EPS8: variants seen among roughly 807,000 people sequenced by gnomAD.
EPS8 encodes the protein epidermal growth factor receptor kinase substrate 8.
In EPS8, 42 loss-of-function variants were observed where a neutral mutation model predicts 103.8. The observed-to-expected ratio is 0.40, with a 90% CI of 0.32 to 0.52. EPS8 has a LOEUF of 0.52. EPS8 is among the 20% of genes least tolerant of loss of function. EPS8 has a pLI of 0.40. For synonymous variants in EPS8, 344 were observed against 344.6 expected (o/e 1.00, Z 0.02); for missense variants, 969 against 1,005.1 (o/e 0.96, Z 0.49).
rs1224331228 is a variant in EPS8 at position 15,765,011 on chromosome 12, T to C, written c.-22+24150A>G. 2.6e-5 allele frequency among the ~76,000 whole-genome samples: 4 copies of C among 152,230 alleles called. No homozygotes were observed. In the East Asian group the frequency reaches 7.7e-4, roughly 29 times the overall value. On this transcript the variant is annotated intron_variant, in intron 1 of 20. Transcript: ENST00000281172. ...CTATAAACTGAGATTAATCCTTGTT[T>C]AATGATATCTATCAGGTTATAATTG...
At chr12:15,649,380 AAT>A (rs1380035294) in intron 14 of EPS8, among the ~76,000 whole-genome samples, 1 of 152,238 alleles carries the variant, frequency 6.6e-6, no homozygotes, top group Non-Finnish European at 1.5e-5. Flanking sequence ...ATGATGTAAA[AAT>A]AGTCAGCTGT....
intron 1 of EPS8, among the ~76,000 whole-genome samples, chr12:15,692,020 A>G (rs998261229): frequency 1.3e-5 from 2 of 152,066 alleles, no homozygotes; most frequent in African/African-American, 4.8e-5. Context: ...TCCACTCTGA[A>G]CTGATTACTC....
intron 1 of EPS8, among the ~76,000 whole-genome samples, chr12:15,703,377 C>T (rs1946337638): frequency 6.6e-6 from 1 of 152,046 alleles, no homozygotes; most frequent in Non-Finnish European, 1.5e-5. Context: ...AAAGTGTCTA[C>T]CTATGGAAGC....
In EPS8 at chr12:15,771,490, G is replaced by A. The variant is rs1390998896; in HGVS notation, c.-22+17671C>T. Among the ~76,000 whole-genome samples the A allele has an allele frequency of 6.6e-6, 1 of 152,122 alleles. No homozygotes were observed. The highest frequency in any genetic ancestry group is 1.5e-5 in the Non-Finnish European group (1 of 68,026). ...GGCAGATACAGAGACATTCAGGAGG[G>A]AATAGCTTAAGAAAATGGTCATATA... On this transcript the variant is annotated intron_variant, in intron 1 of 20. Coordinates refer to ENST00000281172, the MANE Select transcript of EPS8 (RefSeq NM_004447.6). This position sits in a 1 kb window ranked among gnomAD's most constrained non-coding sequence, Gnocchi z 4.6.
chr12:15,651,429 T>C (rs1490910299), intron 13 of EPS8, among the ~76,000 whole-genome samples: 1 of 152,232 alleles, frequency 6.6e-6, no homozygotes, highest in Non-Finnish European at 1.5e-5. Flanking sequence ...CCCATCATTA[T>C]TGAAACCTCC....
rs533341083 is a variant in EPS8, at chr12:15,706,442, C to A, written c.-21-23470G>T. 9.9e-6 allele frequency among the ~76,000 whole-genome samples: 1 copy of A among 100,512 alleles called. No individual in the cohort carries two copies. Among genetic ancestry groups the A allele is most frequent in the Non-Finnish European group, 2.1e-5 (1 of 47,322 alleles). 65.9% of individuals were successfully genotyped at this position (100,512 alleles called of 152,430 possible). On this transcript the variant is annotated intron_variant, in intron 1 of 20. Coordinates refer to ENST00000281172, the MANE Select transcript of EPS8 (RefSeq NM_004447.6). This position sits in a 1 kb window ranked among gnomAD's most constrained non-coding sequence, Gnocchi z 5.2. ...ATCTTGTATCTCAGCTTAAATGGCC[C>A]CTTCTTGGGAAACCATTCCCTGACT...
At position 15,781,068 on chromosome 12, in the gene EPS8, C is replaced by T. The variant is rs918903304; in HGVS notation, c.-22+8093G>A. ...ATGAGGGAAAGAAAGAAATAACTAG[C>T]TAATGCTACCATTATTTGCTTTATT... On this transcript the variant is annotated intron_variant, in intron 1 of 20. Transcript: ENST00000281172. This position sits in a 1 kb window ranked among gnomAD's most constrained non-coding sequence, Gnocchi z 4.1. 9.2e-5 allele frequency among the ~76,000 whole-genome samples: 14 copies of T among 152,278 alleles called. No homozygotes were observed. Among genetic ancestry groups the T allele is most frequent in the East Asian group, 3.9e-4 (2 of 5,178 alleles).
intron 15 of EPS8, among the ~76,000 whole-genome samples, chr12:15,643,934 G>A (rs1426404110): frequency 1.3e-5 from 2 of 152,118 alleles, no homozygotes; most frequent in Non-Finnish European, 2.9e-5. Context: ...TATAAAACTC[G>A]AAGGCGTGGG....
intron 17 of EPS8, among the ~76,000 whole-genome samples, chr12:15,639,537 C>A (rs1464078330): frequency 6.6e-6 from 1 of 151,990 alleles, no homozygotes; most frequent in African/African-American, 2.4e-5. Flanking sequence ...CATAACACAG[C>A]AAATAATTTC....
At chr12:15,638,379 A>T (rs185827489) in intron 17 of EPS8, among the ~76,000 whole-genome samples, 13 of 152,316 alleles carry the variant, frequency 8.5e-5, no homozygotes, top group African/African-American at 3.1e-4. Context: ...CTTGCTTATT[A>T]AAATTTTACA....
At position 15,752,174 on chromosome 12, in the gene EPS8, G is replaced by A. The variant is rs1248154627; in HGVS notation, c.-22+36987C>T. ...CTATTAAAATTCCCCTAGGCCGGGC[G>A]TGGTGGCTCACGCCTGTAATCCCAG... is the stretch of plus-strand genomic sequence containing the variant. On this transcript the variant is annotated intron_variant, in intron 1 of 20. Coordinates refer to ENST00000281172, the MANE Select transcript of EPS8 (RefSeq NM_004447.6). This position sits in a 1 kb window ranked among gnomAD's most constrained non-coding sequence, Gnocchi z 4.4. 7.2e-5 allele frequency among the ~76,000 whole-genome samples: 11 copies of A among 152,290 alleles called. No individual in the cohort carries two copies. The highest frequency in any genetic ancestry group is 2.1e-4 in the South Asian group (1 of 4,826).
intron 20 of EPS8, among the ~76,000 whole-genome samples, chr12:15,621,808 A>T (rs1330314753): frequency 6.6e-6 from 1 of 152,198 alleles, no homozygotes; most frequent in African/African-American, 2.4e-5. Flanking sequence ...TGCCTTTAGA[A>T]GATTTTAACT....
rs999436820 is a variant in EPS8, at chr12:15,669,420, T to C, written c.483A>G (p.Pro161=). Reference sequence around the variant, plus strand: ...CATCACACTGGAAGAGATGAAGATCTGGCTTGTTCTGGGTTGGCTCTTTGC... The same window carrying C: ...CATCACACTGGAAGAGATGAAGATCCGGCTTGTTCTGGGTTGGCTCTTTGC... ...LVCKEPTQNK[P]DLHLFQCDEV... Residue 161 remains proline (P), a synonymous_variant, in exon 6 of 21, where the codon CCA becomes CCG. Transcript: ENST00000281172. 6.2e-7 allele frequency: 1 copy of C among 1,613,582 alleles called. No individual in the cohort carries two copies. The highest frequency in any genetic ancestry group is 1.3e-5 in the African/African-American group (1 of 74,898).
At chr12:15,774,131 T>C (rs1453142499) in intron 1 of EPS8, among the ~76,000 whole-genome samples, 2 of 151,898 alleles carry the variant, frequency 1.3e-5, no homozygotes, top group African/African-American at 4.8e-5. Flanking sequence ...AAATAACTAA[T>C]TTTTAGCGTG....
intron 1 of EPS8, among the ~76,000 whole-genome samples, chr12:15,729,548 A>G (rs1290610295): frequency 1.3e-5 from 2 of 152,198 alleles, no homozygotes; most frequent in Non-Finnish European, 2.9e-5. Flanking sequence ...ATGGCATCAA[A>G]GGAATCAAAG....
chr12:15,640,765 T>C lies in EPS8; in HGVS notation c.1759A>G (p.Ile587Val), dbSNP rs770549562. ...SGFVPNNILDIVRPPESGLGR... is the reference protein window; with the variant it reads ...SGFVPNNILDVVRPPESGLGR... ...AATCCAGATTCTGGAGGTCTCACAA[T>C]ATCCAAAATGTTATTTGGCACAAAT... Residue 587 changes from isoleucine to valine, a missense_variant, in exon 17 of 21, where the codon ATT becomes GTT. Physicochemically the swap from Ile to Val is conservative, Grantham distance 29. Transcript: ENST00000281172. 6.2e-7 allele frequency: 1 copy of C among 1,613,940 alleles called. No individual in the cohort carries two copies. Among genetic ancestry groups the C allele is most frequent in the South Asian group, 1.1e-5 (1 of 91,080 alleles).
At chr12:15,754,436 G>A (rs1438731578) in intron 1 of EPS8, among the ~76,000 whole-genome samples, 1 of 152,118 alleles carries the variant, frequency 6.6e-6, no homozygotes, top group Non-Finnish European at 1.5e-5. Flanking sequence ...GGAAAAACAA[G>A]AAGGATGAGT....
At chr12:15,635,071 C>T (rs1465999556) in intron 17 of EPS8, among the ~76,000 whole-genome samples, 1 of 152,080 alleles carries the variant, frequency 6.6e-6, no homozygotes, top group Non-Finnish European at 1.5e-5. Context: ...TCCTATTGCT[C>T]ATAAAGAATA....
intron 18 of EPS8, among the ~76,000 whole-genome samples, chr12:15,629,333 T>C (rs1945003756): frequency 6.6e-6 from 1 of 152,210 alleles, no homozygotes. Context: ...ACTTTGATCC[T>C]AGCTAGGCCT....
Sources: gnomAD v4.1 joint callset for allele counts (sites outside exome capture counted in the v4.1 genomes callset) on GRCh38, gnomAD v4.1.1 for gene constraint, Gnocchi (gnomAD v3.1) non-coding constraint, MANE v1.5 for transcripts, NCBI Gene and HGNC (gene_info 2026-07-23, HGNC 2026-07-21) for gene names.